IPO11: variants seen among roughly 807,000 people sequenced by gnomAD.
IPO11 encodes the protein importin 11.
IPO11 carries 66 observed loss-of-function variants against 143.2 expected under a neutral mutation model. The ratio of observed to expected loss-of-function variants is 0.46; its 90% CI spans 0.38 to 0.57. IPO11 has a LOEUF of 0.57. Ranked by LOEUF, IPO11 falls within the 20% of genes least tolerant of loss-of-function variation. The probability of loss-of-function intolerance (pLI) is 0.00; values close to 1 mark genes in which losing one functional copy is unlikely to be tolerated. For missense variants in IPO11, 1,026 were observed against 1,141.0 expected (o/e 0.90, Z 1.45); for synonymous variants, 385 against 377.8 (o/e 1.02, Z -0.22).
chr5:62,424,450 T>G (rs1308085921), intron 1 of IPO11, among the ~76,000 whole-genome samples: 1 of 151,822 alleles, frequency 6.6e-6, no homozygotes, highest in Non-Finnish European at 1.5e-5. Context: ...AGCTTCTTTT[T>G]GAGAAGAAGT....
intron 1 of IPO11, among the ~76,000 whole-genome samples, chr5:62,425,246 G>A (rs764718813): frequency 6.6e-6 from 1 of 152,096 alleles, no homozygotes; most frequent in Non-Finnish European, 1.5e-5. Flanking sequence ...ACCCTCCTTG[G>A]GGGGAAAGGA....
intron 5 of IPO11, among the ~76,000 whole-genome samples, chr5:62,463,015 A>G (rs756605248): frequency 6.6e-6 from 1 of 152,036 alleles, no homozygotes; most frequent in Admixed American, 6.6e-5. Context: ...ACTTATATGT[A>G]TATGAATATA....
At chr5:62,535,626 G>T (rs1398701773) in intron 22 of IPO11, among the ~76,000 whole-genome samples, 2 of 151,842 alleles carry the variant, frequency 1.3e-5, no homozygotes, top group Non-Finnish European at 2.9e-5. Context: ...TTTTAAAACT[G>T]TCAAATCCTA....
intron 24 of IPO11, among the ~76,000 whole-genome samples, chr5:62,538,753 A>G (rs912322289): frequency 7.2e-5 from 11 of 152,254 alleles, no homozygotes; most frequent in African/African-American, 2.2e-4. Flanking sequence ...GCGTAAGCAC[A>G]GTCTATGACG....
chr5:62,611,173 A>G (rs760544108), intron 29 of IPO11, among the ~76,000 whole-genome samples: 1 of 152,194 alleles, frequency 6.6e-6, no homozygotes, highest in Non-Finnish European at 1.5e-5. Context: ...CACAAGCTCA[A>G]TGTTAAACTT....
intron 1 of IPO11, among the ~76,000 whole-genome samples, chr5:62,434,627 T>C (rs1396990331): frequency 1.3e-5 from 2 of 152,104 alleles, no homozygotes; most frequent in Non-Finnish European, 2.9e-5. Flanking sequence ...GTGTAAAATA[T>C]ACACAGGATT....
At chr5:62,583,190 C>T (rs184869406) in intron 27 of IPO11, among the ~76,000 whole-genome samples, 142 of 152,250 alleles carry the variant, frequency 9.3e-4, no homozygotes, top group African/African-American at 3.4e-3. Flanking sequence ...ATCCTCCCAA[C>T]TCCTACAAAT....
At chr5:62,567,624 A>G (rs1016092952) in intron 27 of IPO11, among the ~76,000 whole-genome samples, 3 of 143,106 alleles carry the variant, frequency 2.1e-5, no homozygotes, top group Non-Finnish European at 3.0e-5. Flanking sequence ...GTGCATTGGA[A>G]CGATCTCGGC....
chr5:62,429,451 T>C (rs1052925353), intron 1 of IPO11, among the ~76,000 whole-genome samples: 2 of 152,172 alleles, frequency 1.3e-5, no homozygotes, highest in African/African-American at 4.8e-5. Flanking sequence ...AGAGTCTCAC[T>C]GTGTGGCCCA....
At chr5:62,420,291 CAAAAA>C (rs1187591087) in intron 1 of IPO11, among the ~76,000 whole-genome samples, 1 of 68,942 alleles carries the variant, frequency 1.5e-5, no homozygotes. Flanking sequence ...AGCTCCGTCT[CAAAAA>C]AAAAAAAAAA....
At chr5:62,493,229 A>G (rs1298204695) in intron 15 of IPO11, among the ~76,000 whole-genome samples, 1 of 152,218 alleles carries the variant, frequency 6.6e-6, no homozygotes, top group Non-Finnish European at 1.5e-5. Flanking sequence ...AGTTTTATAT[A>G]AGCCTAGAAG....
At chr5:62,490,590 G>C (rs1428179759) in intron 15 of IPO11, among the ~76,000 whole-genome samples, 1 of 152,166 alleles carries the variant, frequency 6.6e-6, no homozygotes, top group Non-Finnish European at 1.5e-5. Context: ...CATACTGCAA[G>C]TCTCTGGGGA....
chr5:62,496,425 A>G (rs1043043642), intron 16 of IPO11, among the ~76,000 whole-genome samples: 2 of 152,138 alleles, frequency 1.3e-5, no homozygotes, highest in Admixed American at 6.5e-5. Flanking sequence ...TCTGGTGGCT[A>G]CATCTCACGT....
chr5:62,435,144 G>GTATATATA (rs761497192), intron 1 of IPO11, among the ~76,000 whole-genome samples: 2 of 64,992 alleles, frequency 3.1e-5, no homozygotes, highest in African/African-American at 5.8e-5. Flanking sequence ...ATGTATATAT[G>GTATATATA]TATATATGTA....
chr5:62,497,207 T>G (rs1373357033), intron 16 of IPO11, among the ~76,000 whole-genome samples: 3 of 152,146 alleles, frequency 2.0e-5, no homozygotes, highest in African/African-American at 4.8e-5. Flanking sequence ...TTTTTTTTTC[T>G]TTTTTTGGCT....
At chr5:62,483,426 T>A in intron 10 of IPO11, 133 bp downstream of exon 10, 1 of 617,828 alleles carries the variant, frequency 1.6e-6, no homozygotes, top group East Asian at 2.9e-5. Flanking sequence ...GAAAAAGATA[T>A]AAGGATTATA....
intron 3 of IPO11, 38 bp downstream of exon 3, chr5:62,443,121 C>G (rs1744557595): frequency 7.6e-7 from 1 of 1,321,664 alleles, no homozygotes; most frequent in Non-Finnish European, 1.1e-6. Context: ...TGAGTATAAT[C>G]CTTCCCAAAT....
chr5:62,577,206 G>C (rs1052004588), intron 27 of IPO11, among the ~76,000 whole-genome samples: 1 of 152,116 alleles, frequency 6.6e-6, no homozygotes, highest in Non-Finnish European at 1.5e-5. Context: ...TTCAACCTGA[G>C]AGTTACAGTG....
intron 28 of IPO11, among the ~76,000 whole-genome samples, chr5:62,598,453 TC>T (rs1745337847): frequency 1.3e-3 from 4 of 2,990 alleles, no homozygotes; most frequent in Middle Eastern, 0.25. Flanking sequence ...TCTCTCTCTC[TC>T]TCTCTCTCTC....
Sources: allele counts gnomAD v4.1 joint callset (sites outside exome capture counted in the v4.1 genomes callset), GRCh38; gene constraint gnomAD v4.1.1; transcripts MANE v1.5; gene names NCBI Gene and HGNC (gene_info 2026-07-23, HGNC 2026-07-21).